Variants in ZDHHC13 observed in about 807,000 individuals in gnomAD.
ZDHHC13 encodes the protein palmitoyltransferase ZDHHC13.
A neutral mutation model predicts 86.0 loss-of-function variants in ZDHHC13; 85 were observed. The ratio of observed to expected loss-of-function variants is 0.99; its 90% CI spans 0.83 to 1.18. ZDHHC13 has a LOEUF of 1.18. ZDHHC13 is among the 50% of genes most tolerant of loss of function. The probability of loss-of-function intolerance (pLI) is 0.00; values close to 1 mark genes in which losing one functional copy is unlikely to be tolerated. For synonymous variants in ZDHHC13, 263 were observed against 246.4 expected, an observed-to-expected ratio of 1.07 and a Z score of -0.63; for missense variants, 711 against 730.2, an observed-to-expected ratio of 0.97 and a Z score of 0.30.
chr11:19,143,017 G>A lies in ZDHHC13; in HGVS notation c.67G>A (p.Gly23Ser). ...HSHGPHPPGFGRYGICAHENK... is the reference protein window; with the variant it reads ...HSHGPHPPGFSRYGICAHENK... Reference sequence around the variant, plus strand: ...CCATGGCCCCCACCCTCCAGGATTTGGTCGATATGGCATCTGTGCACATGA... The same window carrying A: ...CCATGGCCCCCACCCTCCAGGATTTAGTCGATATGGCATCTGTGCACATGA... Residue 23 changes from glycine to serine, a missense_variant, in exon 2 of 17, where the codon GGT becomes AGT. By Grantham distance (56) the Gly-to-Ser change is moderately conservative. Transcript: ENST00000446113. 3 of 1,611,748 alleles carry A rather than the reference G, an allele frequency of 1.9e-6. No individual in the cohort carries two copies. Among genetic ancestry groups the A allele is most frequent in the Admixed American group, 3.4e-5 (2 of 59,648 alleles).
intron 8 of ZDHHC13, among the ~76,000 whole-genome samples, chr11:19,154,222 A>C (rs764760845): frequency 3.3e-5 from 5 of 152,196 alleles, no homozygotes; most frequent in Non-Finnish European, 5.9e-5. Context: ...AAGTGCCTAG[A>C]ATAGTACCTT....
chr11:19,163,497 A>G lies in ZDHHC13; in HGVS notation c.1233+70A>G, dbSNP rs548088812. The G allele has an allele frequency of 1.5e-4, 207 of 1,393,102 alleles. No individual in the cohort carries two copies. The Admixed American group carries it at 1.8e-3, about 12-fold the overall frequency. 86.3% of individuals were successfully genotyped at this position (1,393,102 alleles called of 1,614,324 possible). A position where few individuals can be genotyped will look rare whatever the true frequency, so the allele number is the denominator to read the frequency against. On this transcript the variant is annotated intron_variant, in intron 11 of 16. Coordinates refer to ENST00000446113, the MANE Select transcript of ZDHHC13 (RefSeq NM_019028.3). ...AACTTTAGAAAGTTTATATGCACAT[A>G]TGCAGATGTGTTGCTTTTTGTTACG...
chr11:19,169,919 A>G (rs540837680), intron 14 of ZDHHC13: 109 of 987,884 alleles, frequency 1.1e-4, no homozygotes, highest in Admixed American at 6.6e-4. Flanking sequence ...AAGTATACCC[A>G]TGCCCAGCTC....
chr11:19,155,581 CAA>C (rs370534138), intron 8 of ZDHHC13, among the ~76,000 whole-genome samples: 621 of 46,790 alleles, frequency 0.013, 1 homozygote, highest in African/African-American at 0.038. Flanking sequence ...AACTTCATCT[CAA>C]AAAAAAAAAA....
chr11:19,143,263 A>G lies in ZDHHC13; in HGVS notation c.173+140A>G, dbSNP rs1849373360. On this transcript the variant is annotated intron_variant, in intron 2 of 16. Transcript: ENST00000446113. ...ACACCAGCACCAGTATATTTGTCAT[A>G]CCAACACCACAGTACTTAGTACAGT... The G allele has an allele frequency of 1.1e-5, 10 of 891,774 alleles. No individual in the cohort carries two copies. In the South Asian group the frequency reaches 1.8e-4, roughly 16 times the overall value. The allele number at this position is 891,774 out of a possible 1,614,324, so 55.2% of individuals were successfully genotyped here.
At chr11:19,142,757 C>T (rs1849356810) in intron 1 of ZDHHC13, among the ~76,000 whole-genome samples, 5 of 149,426 alleles carry the variant, frequency 3.3e-5, no homozygotes, top group Admixed American at 3.3e-4. Flanking sequence ...TTTTTTGAGA[C>T]AGAGTCTCAC....
Position 19,170,561 on chromosome 11 carries a change from T to C in ZDHHC13, c.1625T>C (p.Leu542Pro), listed in dbSNP as rs1157358123. 1 of 1,523,674 alleles carries C rather than the reference T, an allele frequency of 6.6e-7. No individual in the cohort carries two copies. Among genetic ancestry groups the C allele is most frequent in the East Asian group, 2.5e-5 (1 of 40,702 alleles). 94.4% of individuals were successfully genotyped at this position (1,523,674 alleles called of 1,614,324 possible). ...SWSTFLLLNQ[L>P]FQIAFLGLTS... ...TCAACATTTTTATTATTAAATCAACTCTTTCAGGTATTTATTTCTCTTCTT... is the reference window on the plus strand; with the variant it reads ...TCAACATTTTTATTATTAAATCAACCCTTTCAGGTATTTATTTCTCTTCTT... Residue 542 changes from leucine to proline, a missense_variant, in exon 15 of 17, where the codon CTC becomes CCC. Leu to Pro is a moderately conservative substitution (Grantham distance 98, BLOSUM62 -3). Transcript: ENST00000446113.
chr11:19,126,336 C>CTT, intron 1 of ZDHHC13, among the ~76,000 whole-genome samples: 1 of 86,596 alleles, frequency 1.2e-5, no homozygotes, highest in Admixed American at 1.6e-4. Context: ...TTTTTCTTTT[C>CTT]TTTTTCTTTT....
intron 1 of ZDHHC13, among the ~76,000 whole-genome samples, chr11:19,136,817 C>G (rs974662488): frequency 2.0e-5 from 3 of 151,656 alleles, no homozygotes; most frequent in African/African-American, 7.3e-5. Context: ...TCCAGCCAAA[C>G]TAAGCTTCAT....
At chr11:19,165,402 A>G (rs1850035254) in intron 13 of ZDHHC13, among the ~76,000 whole-genome samples, 1 of 152,208 alleles carries the variant, frequency 6.6e-6, no homozygotes, top group Non-Finnish European at 1.5e-5. Context: ...GCTAGATCAG[A>G]GAAGTTAAAA....
chr11:19,117,285 G>T lies in ZDHHC13; in HGVS notation c.27+9G>T, dbSNP rs1405633419. 6.8e-7 allele frequency: 1 copy of T among 1,476,688 alleles called. No individual in the cohort carries two copies. The highest frequency in any genetic ancestry group is 9.0e-7 in the Non-Finnish European group (1 of 1,112,904). 91.5% of individuals were successfully genotyped at this position (1,476,688 alleles called of 1,614,324 possible). On this transcript the variant is annotated intron_variant, in intron 1 of 16. Transcript: ENST00000446113. The surrounding 1 kb of genome is among the most constrained non-coding windows in gnomAD (Gnocchi z 4.2). ...CGGGGCTGGGCTCGCAGGTGAGTGCGGCCGGGCGGTGGCTGTCCTGGGGGC... is the reference window on the plus strand; with the variant it reads ...CGGGGCTGGGCTCGCAGGTGAGTGCTGCCGGGCGGTGGCTGTCCTGGGGGC...
intron 1 of ZDHHC13, among the ~76,000 whole-genome samples, chr11:19,126,220 A>G (rs1848871636): frequency 6.6e-6 from 1 of 151,704 alleles, no homozygotes; most frequent in Non-Finnish European, 1.5e-5. Context: ...TTATTTCCTT[A>G]CCCAAGTATT....
intron 10 of ZDHHC13, among the ~76,000 whole-genome samples, chr11:19,160,013 T>A (rs1199963570): frequency 6.6e-6 from 1 of 151,946 alleles, no homozygotes; most frequent in African/African-American, 2.4e-5. Flanking sequence ...CCACATTACT[T>A]CTCTTTCTGG....
intron 14 of ZDHHC13, chr11:19,170,016 G>A: frequency 9.9e-7 from 1 of 1,008,794 alleles, no homozygotes; most frequent in Non-Finnish European, 1.2e-6. Flanking sequence ...TCATCTGAAT[G>A]CTTAATAAGA....
intron 9 of ZDHHC13, among the ~76,000 whole-genome samples, chr11:19,158,538 G>A (rs971019611): frequency 6.6e-6 from 1 of 152,072 alleles, no homozygotes; most frequent in Admixed American, 6.5e-5. Context: ...CTTGCTAAAT[G>A]TAAAGGTGAA....
intron 14 of ZDHHC13, 184 bp from the exon 15 acceptor site, chr11:19,170,227 G>A: frequency 7.1e-7 from 1 of 1,401,314 alleles, no homozygotes; most frequent in Non-Finnish European, 9.2e-7. Context: ...TTAACATTGA[G>A]CCACCATTTT....
At chr11:19,141,072 TAA>T (rs1030853735) in intron 1 of ZDHHC13, among the ~76,000 whole-genome samples, 3 of 132,294 alleles carry the variant, frequency 2.3e-5, no homozygotes, top group Non-Finnish European at 4.9e-5. Context: ...AGTATAATAA[TAA>T]AAAAAAAAAA....
At chr11:19,142,081 G>A (rs147659463) in intron 1 of ZDHHC13, among the ~76,000 whole-genome samples, 40 of 152,232 alleles carry the variant, frequency 2.6e-4, no homozygotes, top group Middle Eastern at 3.4e-3. Flanking sequence ...CAGGAGTCTA[G>A]GCATGGCTTA....
chr11:19,157,005 A>G (rs189004165), intron 9 of ZDHHC13, among the ~76,000 whole-genome samples: 1 of 152,202 alleles, frequency 6.6e-6, no homozygotes, highest in African/African-American at 2.4e-5. Context: ...ATTGCACTGT[A>G]CCTTCTTTCT....
Sources: gnomAD v4.1 joint callset for allele counts (sites outside exome capture counted in the v4.1 genomes callset) on GRCh38, gnomAD v4.1.1 for gene constraint, Gnocchi (gnomAD v3.1) non-coding constraint, MANE v1.5 for transcripts, NCBI Gene and HGNC (gene_info 2026-07-23, HGNC 2026-07-21) for gene names.